Variants in KIRREL3 observed in about 807,000 individuals in gnomAD.
KIRREL3 encodes the protein kin of IRRE-like protein 3.
Under a neutral mutation model 89.7 loss-of-function variants are expected in KIRREL3, and 36 were observed. That is an observed-to-expected ratio of 0.40 (90% CI 0.31 to 0.53). The LOEUF is 0.53. Among genes scored for constraint, KIRREL3 ranks in the 20% least tolerant of loss-of-function variants. The probability of loss-of-function intolerance (pLI) is 0.49; values close to 1 mark genes in which losing one functional copy is unlikely to be tolerated. For missense variants in KIRREL3, 864 were observed against 1,056.6 expected, an observed-to-expected ratio of 0.82 and a Z score of 2.53; for synonymous variants, 445 against 441.4, an observed-to-expected ratio of 1.01 and a Z score of -0.10.
chr11:126,593,294 T>G (rs1942237416), intron 1 of KIRREL3, among the ~76,000 whole-genome samples: 1 of 152,156 alleles, frequency 6.6e-6, no homozygotes, highest in Non-Finnish European at 1.5e-5. Flanking sequence ...GACTTGAAAA[T>G]TACCTTTATT....
In KIRREL3 at chr11:126,860,634, C is replaced by T. The variant is rs1418639567; in HGVS notation, c.55+139821G>A. On this transcript the variant is annotated intron_variant, in intron 1 of 16. Transcript: ENST00000525144. This position sits in a 1 kb window ranked among gnomAD's most constrained non-coding sequence, Gnocchi z 4.6. Reference sequence around the variant, plus strand: ...GAGTTGGGACCTACCCTATAAACAACGTATAGTTGTTGAAGGTTTCTAGAC... The same window carrying T: ...GAGTTGGGACCTACCCTATAAACAATGTATAGTTGTTGAAGGTTTCTAGAC... Among the ~76,000 whole-genome samples, 2 of 152,132 alleles carry T rather than the reference C, an allele frequency of 1.3e-5. No homozygotes were observed. Among genetic ancestry groups the T allele is most frequent in the East Asian group, 1.9e-4 (1 of 5,200 alleles).
chr11:126,838,317 G>C (rs187398197), intron 1 of KIRREL3, among the ~76,000 whole-genome samples: 85 of 152,208 alleles, frequency 5.6e-4, no homozygotes, highest in African/African-American at 2.0e-3. Flanking sequence ...TTTGGATAGC[G>C]AGCCAAAGGA....
At chr11:126,986,307 C>T (rs1002769641) in intron 1 of KIRREL3, among the ~76,000 whole-genome samples, 1 of 152,058 alleles carries the variant, frequency 6.6e-6, no homozygotes, top group African/African-American at 2.4e-5. Context: ...TAGCAGATCC[C>T]AGTTCACAAT....
At chr11:126,533,915 C>A (rs1387917937) in intron 2 of KIRREL3, among the ~76,000 whole-genome samples, 3 of 152,188 alleles carry the variant, frequency 2.0e-5, no homozygotes, top group Non-Finnish European at 4.4e-5. Flanking sequence ...CACCCTCTGT[C>A]CTGAACACCA....
chr11:126,440,809 T>G lies in KIRREL3; in HGVS notation c.1253-260A>C, dbSNP rs188760106. 3 of 560,538 alleles carry G rather than the reference T, an allele frequency of 5.4e-6. No individual in the cohort carries two copies. In the Admixed American group the frequency reaches 9.2e-5, roughly 17 times the overall value. 34.7% of individuals were successfully genotyped at this position (560,538 alleles called of 1,614,324 possible). On this transcript the variant is annotated intron_variant, in intron 10 of 16. Transcript: ENST00000525144. Reference sequence around the variant, plus strand: ...TACAAATAACTGTAATAAAAGGTGGTGAGTGTTAGTACCACAGGAGCGGTG... The same window carrying G: ...TACAAATAACTGTAATAAAAGGTGGGGAGTGTTAGTACCACAGGAGCGGTG...
In KIRREL3 at chr11:126,668,741, C is replaced by CTTTCTTTCTTTCTTTCTT. The variant is rs1555172364; in HGVS notation, c.56-105830_56-105829insAAGAAAGAAAGAAAGAAA. On this transcript the variant is annotated intron_variant, in intron 1 of 16. Coordinates refer to ENST00000525144, the MANE Select transcript of KIRREL3 (RefSeq NM_032531.4). This position sits in a 1 kb window ranked among gnomAD's most constrained non-coding sequence, Gnocchi z 4.4. Reference sequence around the variant, plus strand: ...TCTTTCTTTCTTTCTTTCTTTCTTTCTTTCTTTCTTTCTTTTTTCTCTTTC... The same window carrying CTTTCTTTCTTTCTTTCTT: ...TCTTTCTTTCTTTCTTTCTTTCTTTCTTTCTTTCTTTCTTTCTTTTTCTTTCTTTCTTTTTTCTCTTTC... Among the ~76,000 whole-genome samples, 2,816 of 130,598 alleles carry CTTTCTTTCTTTCTTTCTT rather than the reference C, an allele frequency of 0.022. 37 individuals carry two copies. Among genetic ancestry groups the CTTTCTTTCTTTCTTTCTT allele is most frequent in the East Asian group, 0.044 (192 of 4,412 alleles). The allele number at this position is 130,598 out of a possible 152,430, so 85.7% of individuals were successfully genotyped here.
chr11:126,882,529 CAA>C (rs1179239380), intron 1 of KIRREL3, among the ~76,000 whole-genome samples: 1 of 90,352 alleles, frequency 1.1e-5, no homozygotes, highest in African/African-American at 7.6e-5. Flanking sequence ...GCTCCTGGTA[CAA>C]AGAGATAGTC....
At chr11:126,828,724 T>C (rs1943502953) in intron 1 of KIRREL3, among the ~76,000 whole-genome samples, 1 of 152,228 alleles carries the variant, frequency 6.6e-6, no homozygotes, top group Admixed American at 6.5e-5. Flanking sequence ...CTGGAAAGAC[T>C]GCACAACCTT....
chr11:126,698,330 C>G (rs1446227701), intron 1 of KIRREL3, among the ~76,000 whole-genome samples: 2 of 152,156 alleles, frequency 1.3e-5, no homozygotes, highest in African/African-American at 4.8e-5. Flanking sequence ...AACACTCAGG[C>G]AGACAAATCC....
At chr11:126,834,974 G>A (rs371885363) in intron 1 of KIRREL3, among the ~76,000 whole-genome samples, 1 of 152,200 alleles carries the variant, frequency 6.6e-6, no homozygotes, top group Non-Finnish European at 1.5e-5. Context: ...AACAACCCAG[G>A]TGCCTCCAGT....
chr11:126,441,423 A>C lies in KIRREL3; in HGVS notation c.1253-874T>G, dbSNP rs1408234716. Among the ~76,000 whole-genome samples the C allele has an allele frequency of 6.6e-6, 1 of 152,150 alleles. No individual in the cohort carries two copies. Among genetic ancestry groups the C allele is most frequent in the Non-Finnish European group, 1.5e-5 (1 of 68,020 alleles). On this transcript the variant is annotated intron_variant, in intron 10 of 16. Transcript: ENST00000525144. This position sits in a 1 kb window ranked among gnomAD's most constrained non-coding sequence, Gnocchi z 5.0. ...ACCTAACCCAAGTCTTTCCCCTGTG[A>C]CGCCTGCCTGGCCGTGAAAGACAAA...
chr11:126,439,982 G>T (rs1202855327), intron 11 of KIRREL3, among the ~76,000 whole-genome samples: 1 of 152,088 alleles, frequency 6.6e-6, no homozygotes, highest in South Asian at 2.1e-4. Flanking sequence ...CTTTAGAGGG[G>T]ACGATTGATA....
intron 5 of KIRREL3, among the ~76,000 whole-genome samples, chr11:126,468,233 G>C (rs1168359774): frequency 6.6e-6 from 1 of 152,204 alleles, no homozygotes; most frequent in Non-Finnish European, 1.5e-5. Flanking sequence ...AAAGAATGTG[G>C]TCTCCACTCT....
intron 8 of KIRREL3, 56 bp from the exon 9 acceptor site, chr11:126,446,942 T>C (rs188233154): frequency 7.0e-6 from 11 of 1,570,848 alleles, no homozygotes; most frequent in Middle Eastern, 1.7e-4. Context: ...TCTGGGATCC[T>C]CCTTGCTGCT....
At chr11:126,461,725 C>A (rs564713459) in intron 6 of KIRREL3, among the ~76,000 whole-genome samples, 1 of 152,260 alleles carries the variant, frequency 6.6e-6, no homozygotes, top group South Asian at 2.1e-4. Context: ...CCAAGATGAG[C>A]TCTCAGAACC....
rs954096449 is a variant in KIRREL3 at position 126,521,705 on chromosome 11, T to C, written c.284-241A>G. The stretch of plus-strand genomic sequence containing the variant: ...GTGTGTGTGTGTGTGTGTGTGTGTG[T>C]GTGTGTGTGTGTGTGTGTGTGTGTG... On this transcript the variant is annotated intron_variant, in intron 3 of 16. Coordinates refer to ENST00000525144, the MANE Select transcript of KIRREL3 (RefSeq NM_032531.4). This position sits in a 1 kb window ranked among gnomAD's most constrained non-coding sequence, Gnocchi z 4.1. Among the ~76,000 whole-genome samples, 6 of 150,320 alleles carry C rather than the reference T, an allele frequency of 4.0e-5. No individual in the cohort carries two copies. The highest frequency in any genetic ancestry group is 7.4e-5 in the Non-Finnish European group (5 of 67,468).
chr11:126,852,769 A>G (rs372215923), intron 1 of KIRREL3, among the ~76,000 whole-genome samples: 49 of 152,312 alleles, frequency 3.2e-4, no homozygotes, highest in African/African-American at 1.1e-3. Flanking sequence ...GCACTGTACT[A>G]AAGGTCCCCC....
rs1944954108 is a variant in KIRREL3, at chr11:126,867,183, C to A, written c.55+133272G>T. On this transcript the variant is annotated intron_variant, in intron 1 of 16. Coordinates refer to ENST00000525144, the MANE Select transcript of KIRREL3 (RefSeq NM_032531.4). The surrounding 1 kb of genome is among the most constrained non-coding windows in gnomAD (Gnocchi z 4.7). Reference sequence around the variant, plus strand: ...ACAATCTGCCTGTCTGCCTGCTCCCCCCAGGGGTTTGAGCAGCGGGGCATC... The same window carrying A: ...ACAATCTGCCTGTCTGCCTGCTCCCACCAGGGGTTTGAGCAGCGGGGCATC... Among the ~76,000 whole-genome samples the A allele has an allele frequency of 2.0e-5, 3 of 152,264 alleles. No individual in the cohort carries two copies. The highest frequency in any genetic ancestry group is 1.3e-4 in the Admixed American group (2 of 15,284).
In KIRREL3 at chr11:126,555,478, G is replaced by A. The variant is rs1939632356; in HGVS notation, c.133+7357C>T. On this transcript the variant is annotated intron_variant, in intron 2 of 16. Coordinates refer to ENST00000525144, the MANE Select transcript of KIRREL3 (RefSeq NM_032531.4). This position sits in a 1 kb window ranked among gnomAD's most constrained non-coding sequence, Gnocchi z 4.2. ...ACTGAGGAGGGATGGGTCAGTGGAG[G>A]CATCACTGGAGCAGAGACTTGAGCT... Among the ~76,000 whole-genome samples the A allele has an allele frequency of 6.6e-6, 1 of 152,186 alleles. No homozygotes were observed. The highest frequency in any genetic ancestry group is 2.1e-4 in the South Asian group (1 of 4,828).
Sources: gnomAD v4.1 joint callset for allele counts (sites outside exome capture counted in the v4.1 genomes callset) on GRCh38, gnomAD v4.1.1 for gene constraint, Gnocchi (gnomAD v3.1) non-coding constraint, MANE v1.5 for transcripts, NCBI Gene and HGNC (gene_info 2026-07-23, HGNC 2026-07-21) for gene names.